Variants in SV2C observed in about 807,000 individuals in gnomAD.
The protein encoded by SV2C is synaptic vesicle glycoprotein 2C.
Under a neutral mutation model 79.7 loss-of-function variants are expected in SV2C, and 49 were observed. That is an observed-to-expected ratio of 0.61 (90% CI 0.49 to 0.78). SV2C has a LOEUF of 0.78. Among genes scored for constraint, SV2C ranks in the 30% least tolerant of loss-of-function variants. The pLI, the probability that SV2C is intolerant of heterozygous loss-of-function variation, is 0.00. For synonymous variants in SV2C, 334 were observed against 333.2 expected (o/e 1.00, Z -0.03); for missense variants, 833 against 912.9 (o/e 0.91, Z 1.13).
chr5:75,956,305 C>T, the SV2C span, among the ~76,000 whole-genome samples: 1 of 144,700 alleles, frequency 6.9e-6, no homozygotes. Flanking sequence ...AACAAAAAAC[C>T]AAACACTGCA....
At chr5:76,263,595 C>G (rs1746551753) in intron 4 of SV2C, among the ~76,000 whole-genome samples, 1 of 152,110 alleles carries the variant, frequency 6.6e-6, no homozygotes, top group Non-Finnish European at 1.5e-5. Flanking sequence ...GTTGCAGTGG[C>G]TGGTACCGGT....
At position 76,122,685 on chromosome 5, in the gene SV2C, G is replaced by A. The variant is rs1748557202; in HGVS notation, c.-101-8965G>A. On this transcript the variant is annotated intron_variant, in intron 1 of 12. Coordinates refer to ENST00000502798, the MANE Select transcript of SV2C (RefSeq NM_014979.4). Reference sequence around the variant, plus strand: ...GTTCTTTGAAACCAACGAGAACAAAGACACAACATACCAGAATCTCTGGGA... The same window carrying A: ...GTTCTTTGAAACCAACGAGAACAAAAACACAACATACCAGAATCTCTGGGA... 7.2e-5 allele frequency among the ~76,000 whole-genome samples: 11 copies of A among 151,762 alleles called. No homozygotes were observed. The South Asian group carries it at 2.3e-3, about 32-fold the overall frequency.
chr5:76,310,533 G>C (rs56885329), intron 12 of SV2C, among the ~76,000 whole-genome samples: 4,644 of 152,266 alleles, frequency 0.03, 176 homozygotes, highest in African/African-American at 0.09. Context: ...AAGGGCTTTG[G>C]TCTTCTTGCT....
chr5:76,195,673 C>T (rs1744251189), intron 3 of SV2C, among the ~76,000 whole-genome samples: 1 of 152,002 alleles, frequency 6.6e-6, no homozygotes, highest in Non-Finnish European at 1.5e-5. Flanking sequence ...CTTTAAAGAG[C>T]TTAAAGCACT....
At chr5:76,320,628 G>A (rs557657558) in intron 12 of SV2C, among the ~76,000 whole-genome samples, 5 of 152,272 alleles carry the variant, frequency 3.3e-5, no homozygotes, top group Admixed American at 2.0e-4. Flanking sequence ...TAGCCTCATG[G>A]CATATCCATG....
At chr5:76,198,754 A>G (rs946505506) in intron 3 of SV2C, among the ~76,000 whole-genome samples, 2 of 152,102 alleles carry the variant, frequency 1.3e-5, no homozygotes, top group Non-Finnish European at 2.9e-5. Context: ...TTATCTGGGA[A>G]CTCTGTTTCT....
chr5:76,204,915 A>G (rs1185327872), intron 3 of SV2C, among the ~76,000 whole-genome samples: 1 of 152,318 alleles, frequency 6.6e-6, no homozygotes, highest in South Asian at 2.1e-4. Flanking sequence ...TTGTGCATAC[A>G]GGAAGACTTG....
At chr5:76,314,910 T>A (rs1285393099) in intron 12 of SV2C, among the ~76,000 whole-genome samples, 1 of 152,220 alleles carries the variant, frequency 6.6e-6, no homozygotes, top group Non-Finnish European at 1.5e-5. Context: ...TTATTTACCC[T>A]GGCCCAGGCC....
In SV2C at chr5:76,088,634, A is replaced by C. The variant is rs528600097; in HGVS notation, c.-102+5122A>C. On this transcript the variant is annotated intron_variant, in intron 1 of 12. Coordinates refer to ENST00000502798, the MANE Select transcript of SV2C (RefSeq NM_014979.4). ...CTATCACACTGGGGAGTAAGTTCCAACATATGAATTTGAGAGGGACACCAG... is the reference window on the plus strand; with the variant it reads ...CTATCACACTGGGGAGTAAGTTCCACCATATGAATTTGAGAGGGACACCAG... 1.5e-4 allele frequency among the ~76,000 whole-genome samples: 23 copies of C among 152,342 alleles called. 1 individual carries two copies. The South Asian group carries it at 4.6e-3, about 30-fold the overall frequency.
chr5:76,310,681 T>C (rs891672844), intron 12 of SV2C, among the ~76,000 whole-genome samples: 1 of 152,172 alleles, frequency 6.6e-6, no homozygotes, highest in Non-Finnish European at 1.5e-5. Context: ...TCTGAAAATA[T>C]GTCTAAGAGA....
intron 2 of SV2C, among the ~76,000 whole-genome samples, chr5:76,186,584 C>T (rs891918122): frequency 6.6e-6 from 1 of 152,192 alleles, no homozygotes; most frequent in African/African-American, 2.4e-5. Flanking sequence ...CCCAGCTATG[C>T]AGGAGGCTGA....
chr5:75,900,031 C>CTG, the SV2C span, among the ~76,000 whole-genome samples: 541 of 152,022 alleles, frequency 3.6e-3, 13 homozygotes, highest in Admixed American at 0.028. Context: ...ATTTGCCAGT[C>CTG]TGTCTTTTAA....
intron 2 of SV2C, among the ~76,000 whole-genome samples, chr5:76,164,361 T>C (rs1742980945): frequency 6.6e-6 from 1 of 152,246 alleles, no homozygotes; most frequent in African/African-American, 2.4e-5. Context: ...AACAGCCACA[T>C]ACGTTAGGGA....
At chr5:75,998,100 CA>C in the SV2C span, among the ~76,000 whole-genome samples, 1 of 152,000 alleles carries the variant, frequency 6.6e-6, no homozygotes, top group East Asian at 1.9e-4. Flanking sequence ...GACAAAAAAC[CA>C]AACACCGCAT....
intron 1 of SV2C, among the ~76,000 whole-genome samples, chr5:76,087,707 T>C (rs1374283224): frequency 2.0e-5 from 3 of 152,200 alleles, no homozygotes; most frequent in African/African-American, 7.2e-5. Context: ...GCATTTGAAC[T>C]AGTACTAGAT....
At chr5:76,335,414 CTTTTTT>C (rs869230352), downstream of SV2C, among the ~76,000 whole-genome samples, 18 of 98,112 alleles carry the variant, frequency 1.8e-4, no homozygotes, top group East Asian at 1.0e-3. Context: ...ACACATTTTC[CTTTTTT>C]TTTTTTTTTT....
chr5:76,301,429 G>A lies in SV2C; in HGVS notation c.1884G>A (p.Trp628Ter). Residue 628 changes from tryptophan (W) to a stop codon, truncating the protein, a stop_gained, in exon 12 of 13, where the codon TGG becomes TGA. Coordinates refer to ENST00000502798, the MANE Select transcript of SV2C (RefSeq NM_014979.4). LOFTEE classifies it high-confidence loss of function. ...VLSGISCFFL[W>*]FGTSESMMIG... is the part of the protein sequence containing the mutation. ...CGGGGATCAGCTGTTTCTTCCTTTG[G>A]TTCGGCACCAGTGAATCCATGATGA... 1 of 1,613,988 alleles carries A rather than the reference G, an allele frequency of 6.2e-7. No individual in the cohort carries two copies. Among genetic ancestry groups the A allele is most frequent in the African/African-American group, 1.3e-5 (1 of 75,006 alleles).
chr5:76,073,704 T>G, the SV2C span, among the ~76,000 whole-genome samples: 2 of 151,416 alleles, frequency 1.3e-5, no homozygotes, highest in East Asian at 3.9e-4. Flanking sequence ...GCTATGAGTA[T>G]GCAAAGGCAT....
At chr5:76,028,314 C>T in the SV2C span, among the ~76,000 whole-genome samples, 11 of 152,130 alleles carry the variant, frequency 7.2e-5, no homozygotes, top group Admixed American at 6.5e-5. Context: ...GGGAGGGTAA[C>T]CCAATCCCTG....
Sources: gnomAD v4.1 joint callset for allele counts (sites outside exome capture counted in the v4.1 genomes callset) on GRCh38, gnomAD v4.1.1 for gene constraint, MANE v1.5 for transcripts, NCBI Gene and HGNC (gene_info 2026-07-23, HGNC 2026-07-21) for gene names.